MARCO: variants seen among roughly 807,000 people sequenced by gnomAD.
MARCO encodes macrophage receptor MARCO.
MARCO carries 72 observed loss-of-function variants against 70.0 expected under a neutral mutation model. The observed-to-expected ratio is 1.03, with a 90% CI of 0.85 to 1.25. MARCO has a LOEUF of 1.25. MARCO is among the 50% of genes most tolerant of loss of function. MARCO has a pLI of 0.00. For missense variants in MARCO, 696 were observed against 659.3 expected, an observed-to-expected ratio of 1.06 and a Z score of -0.61; for synonymous variants, 273 against 243.1, an observed-to-expected ratio of 1.12 and a Z score of -1.14.
chr2:118,954,019 T>A (rs1679779000), intron 1 of MARCO, among the ~76,000 whole-genome samples: 1 of 152,124 alleles, frequency 6.6e-6, no homozygotes, highest in African/African-American at 2.4e-5. Context: ...GAGAAAGGAT[T>A]CTCTAGCTGA....
intron 1 of MARCO, among the ~76,000 whole-genome samples, chr2:118,954,420 C>T (rs970995674): frequency 1.4e-4 from 21 of 152,134 alleles, no homozygotes; most frequent in African/African-American, 4.8e-4. Flanking sequence ...CAAGACCTGC[C>T]GAAGGAGACT....
intron 12 of MARCO, among the ~76,000 whole-genome samples, chr2:118,986,586 GAAGAAAGAAAGAAAGA>G (rs755693328): frequency 7.1e-4 from 33 of 46,726 alleles, no homozygotes; most frequent in Middle Eastern, 0.013. Context: ...GGGAAGGAAA[GAAGAAAGAAAGAAAGA>G]AAGAAAGAAA....
rs770718213 is a variant in MARCO, at chr2:118,991,838, TG to T, written c.1172del (p.Gly391AspfsTer11). 6.2e-7 allele frequency: 1 copy of T among 1,601,158 alleles called. No individual in the cohort carries two copies. Among genetic ancestry groups the T allele is most frequent in the Non-Finnish European group, 8.5e-7 (1 of 1,174,994 alleles). The stretch of plus-strand genomic sequence containing the variant: ...GGCTGGCAGGTCCCAAGGGAGCCCC[TG>T]GACAAGCTGGCCAGAAGGGAGACCA... ...PGLAGPKGAP[G>X]QAGQKGDQGV... On this transcript the variant is annotated frameshift_variant, in exon 14 of 17. Coordinates refer to ENST00000327097, the MANE Select transcript of MARCO (RefSeq NM_006770.4). LOFTEE classifies it high-confidence loss of function.
At chr2:118,946,781 G>A (rs1479298099) in intron 1 of MARCO, among the ~76,000 whole-genome samples, 1 of 152,210 alleles carries the variant, frequency 6.6e-6, no homozygotes, top group African/African-American at 2.4e-5. Flanking sequence ...ATTCCCAGCA[G>A]CAATGTACAA....
intron 6 of MARCO, among the ~76,000 whole-genome samples, chr2:118,977,264 G>C (rs1230811581): frequency 2.6e-5 from 4 of 152,100 alleles, no homozygotes; most frequent in African/African-American, 9.7e-5. Flanking sequence ...GGACTCTGCT[G>C]GTTGTGTTTG....
At chr2:118,980,537 CA>C (rs1680369286) in intron 8 of MARCO, among the ~76,000 whole-genome samples, 1 of 152,196 alleles carries the variant, frequency 6.6e-6, no homozygotes, top group South Asian at 2.1e-4. Flanking sequence ...TCAGAATTAT[CA>C]AAATCATAGA....
intron 4 of MARCO, among the ~76,000 whole-genome samples, chr2:118,973,005 C>T (rs112492662): frequency 3.3e-5 from 5 of 152,262 alleles, no homozygotes; most frequent in Admixed American, 1.3e-4. Context: ...AACTCTCTCT[C>T]TCCATGTCTC....
chr2:118,986,588 A>AGGAAG (rs1209654175), intron 12 of MARCO, among the ~76,000 whole-genome samples: 1 of 8,044 alleles, frequency 1.2e-4, no homozygotes, highest in Non-Finnish European at 2.2e-4. Flanking sequence ...GAAGGAAAGA[A>AGGAAG]GAAAGAAAGA....
At chr2:118,955,415 TA>T (rs1679816600) in intron 1 of MARCO, among the ~76,000 whole-genome samples, 1 of 150,318 alleles carries the variant, frequency 6.7e-6, no homozygotes, top group South Asian at 2.1e-4. Flanking sequence ...GAAAAAAGAG[TA>T]AAAAAATATG....
At chr2:118,975,440 A>C (rs1197803358) in intron 6 of MARCO, among the ~76,000 whole-genome samples, 1 of 152,218 alleles carries the variant, frequency 6.6e-6, no homozygotes, top group East Asian at 1.9e-4. Context: ...ACCAGTTACA[A>C]GAAAGGAAAC....
At chr2:118,959,026 T>TA (rs1679889666) in intron 1 of MARCO, among the ~76,000 whole-genome samples, 1 of 152,150 alleles carries the variant, frequency 6.6e-6, no homozygotes, top group Non-Finnish European at 1.5e-5. Flanking sequence ...CCTGAAACTG[T>TA]AAACATTATA....
intron 12 of MARCO, among the ~76,000 whole-genome samples, chr2:118,987,551 A>G (rs11904650): frequency 0.15 from 23,412 of 152,118 alleles, 4,378 homozygotes; most frequent in African/African-American, 0.44. Context: ...GTCTGGGAGG[A>G]TTCAGATGCG....
At chr2:118,971,600 G>T (rs765851005) in intron 4 of MARCO, 66 bp downstream of exon 4, 17 of 1,554,372 alleles carry the variant, frequency 1.1e-5, no homozygotes, top group Non-Finnish European at 1.5e-5. Context: ...GGGCCCCTTG[G>T]CCTGTGCCAT....
chr2:118,958,407 CA>C (rs35333881), intron 1 of MARCO, among the ~76,000 whole-genome samples: 16,457 of 127,222 alleles, frequency 0.13, 954 homozygotes, highest in African/African-American at 0.19. Flanking sequence ...GCAATAGCTG[CA>C]AAAAAAAAAA....
intron 12 of MARCO, among the ~76,000 whole-genome samples, chr2:118,986,894 C>T (rs1004763645): frequency 6.6e-6 from 1 of 152,154 alleles, no homozygotes; most frequent in Admixed American, 6.5e-5. Flanking sequence ...TTACCCCTGA[C>T]TAGCTGAGTG....
intron 1 of MARCO, among the ~76,000 whole-genome samples, chr2:118,963,673 G>A (rs1460654175): frequency 3.9e-5 from 6 of 152,066 alleles, no homozygotes; most frequent in Non-Finnish European, 8.8e-5. Flanking sequence ...CTGAAACTAC[G>A]TGTTAAAGTC....
intron 1 of MARCO, among the ~76,000 whole-genome samples, chr2:118,966,856 C>T (rs775515586): frequency 6.6e-6 from 1 of 152,298 alleles, no homozygotes; most frequent in African/African-American, 2.4e-5. Context: ...TCCACCACCT[C>T]GTGTTAAATG....
intron 1 of MARCO, among the ~76,000 whole-genome samples, chr2:118,951,758 T>A (rs1171446411): frequency 6.6e-6 from 1 of 152,174 alleles, no homozygotes; most frequent in African/African-American, 2.4e-5. Context: ...ATGACTAGGG[T>A]ACAGTTTTCT....
chr2:118,942,415 A>T lies in MARCO; in HGVS notation c.97+18A>T. ...AATCAATGGTAAAGTACGATTCCCCAATAATGGAAATGACCAGAAATGTAG... is the reference window on the plus strand; with the variant it reads ...AATCAATGGTAAAGTACGATTCCCCTATAATGGAAATGACCAGAAATGTAG... On this transcript the variant is annotated intron_variant, in intron 1 of 16. Transcript: ENST00000327097. 6.4e-7 allele frequency: 1 copy of T among 1,553,746 alleles called. No individual in the cohort carries two copies. Among genetic ancestry groups the T allele is most frequent in the Non-Finnish European group, 8.9e-7 (1 of 1,125,228 alleles).
Sources: gnomAD v4.1 joint callset for allele counts (sites outside exome capture counted in the v4.1 genomes callset) on GRCh38, gnomAD v4.1.1 for gene constraint, MANE v1.5 for transcripts, NCBI Gene and HGNC (gene_info 2026-07-23, HGNC 2026-07-21) for gene names.